PSPH: variants seen among roughly 807,000 people sequenced by gnomAD.
The protein encoded by PSPH is phosphoserine phosphatase, also known as L-3-phosphoserine phosphatase.
Under a neutral mutation model 23.4 loss-of-function variants are expected in PSPH, and 16 were observed. That is an observed-to-expected ratio of 0.68 (90% CI 0.46 to 1.04). The LOEUF (loss-of-function observed/expected upper bound fraction) is 1.04, where lower values mean the gene tolerates loss of function less well. PSPH is among the 50% of genes least tolerant of loss of function. The pLI, the probability that PSPH is intolerant of heterozygous loss-of-function variation, is 0.00. For missense variants in PSPH, 223 were observed against 273.7 expected, an observed-to-expected ratio of 0.81 and a Z score of 1.31; for synonymous variants, 68 against 99.7, an observed-to-expected ratio of 0.68 and a Z score of 1.89.
Position 56,025,594 on chromosome 7 carries a change from CT to C in PSPH, c.-19-4364del, listed in dbSNP as rs376105674. ...TTTATGGCTCAAGGAATACTAAGGA[CT>C]TTTTTTTTTTTGAGACGGAGTCTTG... On this transcript the variant is annotated intron_variant, in intron 3 of 7. Transcript: ENST00000275605. Among the ~76,000 whole-genome samples the C allele has an allele frequency of 8.9e-3, 1,258 of 141,788 alleles. 12 individuals carry two copies. The highest frequency in any genetic ancestry group is 0.028 in the African/African-American group (1,086 of 38,702). The allele number at this position is 141,788 out of a possible 152,430, so 93.0% of individuals were successfully genotyped here.
intron 1 of PSPH, among the ~76,000 whole-genome samples, chr7:56,042,121 G>A (rs1792628958): frequency 1.3e-5 from 2 of 151,296 alleles, no homozygotes; most frequent in Non-Finnish European, 1.5e-5. Flanking sequence ...TACTTGGGAG[G>A]CTGAAGCAGG....
chr7:56,027,983 CAGG>C (rs947690995), intron 3 of PSPH, among the ~76,000 whole-genome samples: 15 of 147,568 alleles, frequency 1.0e-4, no homozygotes, highest in Non-Finnish European at 2.2e-4. Context: ...GGCTTGAGTC[CAGG>C]AGTTCAAGGG....
At chr7:56,024,548 C>T (rs1412448306) in intron 3 of PSPH, among the ~76,000 whole-genome samples, 5 of 151,938 alleles carry the variant, frequency 3.3e-5, no homozygotes, top group African/African-American at 9.7e-5. Flanking sequence ...GAGTTCAACA[C>T]CTATCTGGGC....
chr7:56,024,081 C>G (rs1266066718), intron 3 of PSPH, among the ~76,000 whole-genome samples: 1 of 152,066 alleles, frequency 6.6e-6, no homozygotes, highest in African/African-American at 2.4e-5. Context: ...GTGCCTGCCA[C>G]CACGCCCGGC....
intron 1 of PSPH, among the ~76,000 whole-genome samples, chr7:56,043,651 C>A (rs1427245668): frequency 7.8e-6 from 1 of 128,280 alleles, no homozygotes; most frequent in African/African-American, 2.8e-5. Flanking sequence ...ACCCCTCCCC[C>A]CACCCACCCC....
At chr7:56,021,481 C>T (rs571022801) in intron 3 of PSPH, among the ~76,000 whole-genome samples, 8 of 150,312 alleles carry the variant, frequency 5.3e-5, no homozygotes, top group South Asian at 2.1e-4. Flanking sequence ...GGCAGTGGTA[C>T]GATCTTGGCT....
At chr7:56,021,650 T>A (rs556097515) in intron 3 of PSPH, among the ~76,000 whole-genome samples, 1 of 149,596 alleles carries the variant, frequency 6.7e-6, no homozygotes, top group Non-Finnish European at 1.5e-5. Context: ...GAAGCAAGCA[T>A]TAAAGCGGAG....
At chr7:56,018,404 C>T (rs773391064) in intron 5 of PSPH, among the ~76,000 whole-genome samples, 29 of 151,948 alleles carry the variant, frequency 1.9e-4, no homozygotes, top group Admixed American at 3.3e-4. Flanking sequence ...GGAAACCGTT[C>T]CAGAACTCTA....
chr7:56,033,421 C>G (rs1011458253), intron 2 of PSPH: 1 of 150,518 alleles, frequency 6.6e-6, no homozygotes, highest in African/African-American at 2.4e-5. Context: ...TCCCTTGAAC[C>G]CTGTAGGCGG....
At chr7:56,021,761 A>T (rs1789493162) in intron 3 of PSPH, among the ~76,000 whole-genome samples, 1 of 150,300 alleles carries the variant, frequency 6.7e-6, no homozygotes, top group Non-Finnish European at 1.5e-5. Flanking sequence ...CATCCTGGCT[A>T]ACACAGTGAA....
At chr7:56,031,217 C>CA (rs781209477) in intron 3 of PSPH, among the ~76,000 whole-genome samples, 31,565 of 112,240 alleles carry the variant, frequency 0.28, 3,629 homozygotes, top group East Asian at 0.45. Context: ...GACTCCGTCT[C>CA]AAAAAAAAAA....
intron 1 of PSPH, among the ~76,000 whole-genome samples, chr7:56,038,103 G>A (rs1376515421): frequency 6.6e-6 from 1 of 151,512 alleles, no homozygotes; most frequent in African/African-American, 2.4e-5. Context: ...TAGTAAATTG[G>A]AACAAGCCCT....
rs1334079533 is a variant in PSPH at position 56,030,784 on chromosome 7, A to G, written c.-20+1145T>C. On this transcript the variant is annotated intron_variant, in intron 3 of 7. Coordinates refer to ENST00000275605, the MANE Select transcript of PSPH (RefSeq NM_004577.4). ...CATGGTGGTGGGCACCTGTAATCCC[A>G]GCTACTCAGGAGGCTGAGGCAGGAG... Among the ~76,000 whole-genome samples the G allele has an allele frequency of 3.9e-5, 6 of 152,134 alleles. No homozygotes were observed. The South Asian group carries it at 8.3e-4, about 21-fold the overall frequency.
At chr7:56,040,478 C>T (rs1477393724) in intron 1 of PSPH, among the ~76,000 whole-genome samples, 2 of 152,108 alleles carry the variant, frequency 1.3e-5, no homozygotes, top group Non-Finnish European at 1.5e-5. Context: ...ACTACAATCT[C>T]TGCCTTCTGG....
intron 1 of PSPH, among the ~76,000 whole-genome samples, chr7:56,039,015 T>C (rs1370799371): frequency 2.8e-4 from 43 of 151,864 alleles, no homozygotes; most frequent in Admixed American, 2.8e-3. Context: ...TAGTGGTGCA[T>C]ACCTGTAATC....
At chr7:56,021,020 C>A in intron 4 of PSPH, 53 bp downstream of exon 4, 1 of 1,421,532 alleles carries the variant, frequency 7.0e-7, no homozygotes, top group South Asian at 1.3e-5. Flanking sequence ...CCAAAACAGT[C>A]ACTCTTTAGA....
At chr7:56,039,148 C>CAAAAAAAA (rs34620559) in intron 1 of PSPH, among the ~76,000 whole-genome samples, 1 of 56,630 alleles carries the variant, frequency 1.8e-5, no homozygotes. Context: ...AACTCTGTCT[C>CAAAAAAAA]AAAAAAAAAA....
intron 1 of PSPH, among the ~76,000 whole-genome samples, chr7:56,034,460 C>T (rs1791454947): frequency 1.3e-5 from 2 of 152,198 alleles, no homozygotes; most frequent in Admixed American, 1.3e-4. Context: ...TTGAAATCCA[C>T]GTTTGGCATT....
chr7:56,036,898 G>C (rs890207284), intron 1 of PSPH, among the ~76,000 whole-genome samples: 17 of 152,098 alleles, frequency 1.1e-4, no homozygotes, highest in African/African-American at 3.9e-4. Flanking sequence ...ATCAGGCCGG[G>C]CACAGTGGCT....
Sources: allele counts gnomAD v4.1 joint callset (sites outside exome capture counted in the v4.1 genomes callset), GRCh38; gene constraint gnomAD v4.1.1; transcripts MANE v1.5; gene names NCBI Gene and HGNC (gene_info 2026-07-23, HGNC 2026-07-21).